The following SMOC1 variants were observed in gnomAD, a reference collection of about 807,000 sequenced individuals.
SMOC1 encodes the protein SPARC-related modular calcium-binding protein 1.
A neutral mutation model predicts 56.3 loss-of-function variants in SMOC1; 22 were observed. That is an observed-to-expected ratio of 0.39 (90% CI 0.28 to 0.56). The LOEUF (loss-of-function observed/expected upper bound fraction) is 0.56, where lower values mean the gene tolerates loss of function less well. Among genes scored for constraint, SMOC1 ranks in the 20% least tolerant of loss-of-function variants. The pLI is 0.61. For missense variants in SMOC1, 509 were observed against 565.4 expected, an observed-to-expected ratio of 0.90 and a Z score of 1.01; for synonymous variants, 193 against 215.0, an observed-to-expected ratio of 0.90 and a Z score of 0.89.
chr14:69,898,272 A>G (rs1256144892), intron 1 of SMOC1, among the ~76,000 whole-genome samples: 3 of 151,898 alleles, frequency 2.0e-5, no homozygotes, highest in Admixed American at 6.5e-5. Context: ...GTTTTTTGCA[A>G]TTACCTGGCT....
chr14:69,969,750 G>T (rs1883694458), intron 3 of SMOC1, among the ~76,000 whole-genome samples: 1 of 152,202 alleles, frequency 6.6e-6, no homozygotes, highest in African/African-American at 2.4e-5. Flanking sequence ...TTGATGTAAA[G>T]CTAGGAGAAG....
At chr14:69,947,642 G>A (rs186274130) in intron 1 of SMOC1, among the ~76,000 whole-genome samples, 3 of 151,922 alleles carry the variant, frequency 2.0e-5, no homozygotes, top group East Asian at 3.9e-4. Flanking sequence ...TGAAGACTAC[G>A]CTCCCTCCTC....
chr14:69,916,368 G>C (rs1566671908), intron 1 of SMOC1, among the ~76,000 whole-genome samples: 1 of 152,258 alleles, frequency 6.6e-6, no homozygotes, highest in Non-Finnish European at 1.5e-5. Context: ...GATAACTGCA[G>C]TAGTTGCCAC....
chr14:69,940,523 G>C (rs1216893760), intron 1 of SMOC1, among the ~76,000 whole-genome samples: 1 of 152,196 alleles, frequency 6.6e-6, no homozygotes, highest in Non-Finnish European at 1.5e-5. Flanking sequence ...GTGGAGCGAT[G>C]GTGCTAATTT....
chr14:69,889,706 A>G (rs1288543582), intron 1 of SMOC1, among the ~76,000 whole-genome samples: 1 of 151,478 alleles, frequency 6.6e-6, no homozygotes, highest in African/African-American at 2.4e-5. Flanking sequence ...GAAGTCTGAC[A>G]TGGCTCTTAA....
intron 8 of SMOC1, 37 bp from the exon 9 acceptor site, chr14:70,011,448 G>GCCCCCCCCCCCCC: frequency 7.4e-7 from 1 of 1,356,892 alleles, no homozygotes; most frequent in Non-Finnish European, 1.0e-6. Flanking sequence ...TCAGTTGCCA[G>GCCCCCCCCCCCCC]CCCCTCCCAA....
At chr14:69,975,893 A>C in intron 4 of SMOC1, 79 bp downstream of exon 4, 1 of 999,552 alleles carries the variant, frequency 1.0e-6, no homozygotes. Context: ...TTGTGGGAGA[A>C]CCTTTAGAAG....
intron 1 of SMOC1, among the ~76,000 whole-genome samples, chr14:69,913,509 T>A (rs1052005704): frequency 1.3e-5 from 2 of 152,152 alleles, no homozygotes; most frequent in Non-Finnish European, 2.9e-5. Context: ...TGGGACACAC[T>A]TATACTAAAC....
chr14:69,984,680 TAAA>T (rs56194241), intron 5 of SMOC1, among the ~76,000 whole-genome samples: 6 of 127,878 alleles, frequency 4.7e-5, no homozygotes, highest in Non-Finnish European at 6.8e-5. Context: ...CTATCTCTAC[TAAA>T]AAAAAAAAAA....
intron 7 of SMOC1, among the ~76,000 whole-genome samples, chr14:69,995,370 A>C (rs1215773532): frequency 6.6e-6 from 1 of 152,162 alleles, no homozygotes; most frequent in Non-Finnish European, 1.5e-5. Flanking sequence ...AATTATATAG[A>C]CCAGGAGGTG....
intron 1 of SMOC1, among the ~76,000 whole-genome samples, chr14:69,898,371 T>C (rs773602377): frequency 2.0e-5 from 3 of 152,172 alleles, no homozygotes; most frequent in Non-Finnish European, 2.9e-5. Flanking sequence ...TTCAAATAAT[T>C]CTTCTGTTTC....
intron 1 of SMOC1, 71 bp downstream of exon 1, chr14:69,879,848 GA>G: frequency 1.5e-6 from 2 of 1,332,834 alleles, no homozygotes; most frequent in Non-Finnish European, 2.0e-6. Context: ...ATCCCTGAGG[GA>G]AGGAGGAGGG....
intron 1 of SMOC1, among the ~76,000 whole-genome samples, chr14:69,905,830 A>G (rs1477093786): frequency 6.6e-6 from 1 of 152,230 alleles, no homozygotes; most frequent in Non-Finnish European, 1.5e-5. Context: ...CACATTGGGT[A>G]GTACAGAAAG....
chr14:69,953,601 C>G, intron 3 of SMOC1, 69 bp downstream of exon 3: 1 of 1,336,162 alleles, frequency 7.5e-7, no homozygotes, highest in Non-Finnish European at 1.1e-6. Context: ...CCCGAGAGCG[C>G]GAGGGCTGCT....
intron 3 of SMOC1, among the ~76,000 whole-genome samples, chr14:69,964,203 T>G (rs79957029): frequency 0.076 from 11,630 of 152,048 alleles, 499 homozygotes; most frequent in African/African-American, 0.12. Flanking sequence ...CTACAATTTG[T>G]CTATTGTGGA....
intron 4 of SMOC1, among the ~76,000 whole-genome samples, chr14:69,977,135 G>A (rs72727964): frequency 0.078 from 11,948 of 152,280 alleles, 691 homozygotes; most frequent in Non-Finnish European, 0.11. Context: ...ATATGGAGAA[G>A]GAGTATGACA....
chr14:69,988,816 CT>C (rs1884460716), intron 5 of SMOC1, among the ~76,000 whole-genome samples: 1 of 152,158 alleles, frequency 6.6e-6, no homozygotes, highest in African/African-American at 2.4e-5. Flanking sequence ...GTATTTACAT[CT>C]GGATTTTTAT....
chr14:69,976,417 G>T lies in SMOC1; in HGVS notation c.478+603G>T, dbSNP rs116937705. ...ATATTCTGATCCAGGAGGCCTGGAGGGAGACCTGAGGTCTTTGTTTTTATG... is the reference window on the plus strand; with the variant it reads ...ATATTCTGATCCAGGAGGCCTGGAGTGAGACCTGAGGTCTTTGTTTTTATG... On this transcript the variant is annotated intron_variant, in intron 4 of 11. Transcript: ENST00000361956. 8.7e-3 allele frequency among the ~76,000 whole-genome samples: 1,327 copies of T among 152,302 alleles called. 11 individuals are homozygous for T. Among genetic ancestry groups the T allele is most frequent in the Non-Finnish European group, 0.012 (834 of 68,026 alleles).
chr14:69,913,455 CGTGTGT>C (rs71448304), intron 1 of SMOC1, among the ~76,000 whole-genome samples: 144 of 150,896 alleles, frequency 9.5e-4, no homozygotes, highest in Non-Finnish European at 1.8e-3. Context: ...AATGAATTGG[CGTGTGT>C]GTGTGTGTGT....
Sources: allele counts gnomAD v4.1 joint callset (sites outside exome capture counted in the v4.1 genomes callset), GRCh38; gene constraint gnomAD v4.1.1; transcripts MANE v1.5; gene names NCBI Gene and HGNC (gene_info 2026-07-23, HGNC 2026-07-21).